The following PCCA variants were observed in gnomAD, a reference collection of about 807,000 sequenced individuals.
The protein encoded by PCCA is propionyl-CoA carboxylase subunit alpha.
A neutral mutation model predicts 101.3 loss-of-function variants in PCCA; 74 were observed. The observed-to-expected ratio is 0.73, with a 90% CI of 0.61 to 0.89. The LOEUF is 0.89. Ranked by LOEUF, PCCA falls within the 40% of genes least tolerant of loss-of-function variation. The probability of loss-of-function intolerance (pLI) is 0.00; values close to 1 mark genes in which losing one functional copy is unlikely to be tolerated. For synonymous variants in PCCA, 294 were observed against 313.6 expected (o/e 0.94, Z 0.66); for missense variants, 891 against 907.0 (o/e 0.98, Z 0.23).
chr13:100,111,468 A>G (rs1016035572), intron 2 of PCCA, among the ~76,000 whole-genome samples: 2 of 151,990 alleles, frequency 1.3e-5, no homozygotes. Flanking sequence ...GGCTTGACCA[A>G]AGTCTTTTAG....
At chr13:100,515,404 T>C (rs751932405) in intron 21 of PCCA, 23 bp from the exon 22 acceptor site, 6 of 1,610,650 alleles carry the variant, frequency 3.7e-6, no homozygotes, top group Non-Finnish European at 5.1e-6. Flanking sequence ...TCATTTATGG[T>C]TTGGTTTTGT....
intron 6 of PCCA, among the ~76,000 whole-genome samples, chr13:100,171,403 A>G (rs2055620591): frequency 6.6e-6 from 1 of 152,166 alleles, no homozygotes; most frequent in South Asian, 2.1e-4. Context: ...GGGTGATGAC[A>G]GTCTTCTCTG....
chr13:100,161,419 A>G (rs1302093220), intron 6 of PCCA: 3 of 152,256 alleles, frequency 2.0e-5, no homozygotes, highest in African/African-American at 4.8e-5. Context: ...CAAAATTTAG[A>G]AAGTGTTCAA....
chr13:100,238,178 G>A (rs2060919393), intron 8 of PCCA, among the ~76,000 whole-genome samples: 1 of 151,916 alleles, frequency 6.6e-6, no homozygotes, highest in African/African-American at 2.4e-5. Context: ...GACCTTAGGT[G>A]ATCTGCCCAC....
intron 20 of PCCA, among the ~76,000 whole-genome samples, chr13:100,435,614 G>T (rs2079872872): frequency 6.6e-6 from 1 of 152,170 alleles, no homozygotes; most frequent in Non-Finnish European, 1.5e-5. Context: ...GTATTTTGGT[G>T]TATACTGTCA....
chr13:100,400,586 A>C (rs963795955), intron 19 of PCCA, among the ~76,000 whole-genome samples: 1 of 144,088 alleles, frequency 6.9e-6, no homozygotes, highest in Non-Finnish European at 1.5e-5. Flanking sequence ...GTTAGGTGAT[A>C]ATTTTAGGTG....
At chr13:100,219,764 A>G (rs554745464) in intron 7 of PCCA, among the ~76,000 whole-genome samples, 1 of 152,270 alleles carries the variant, frequency 6.6e-6, no homozygotes, top group East Asian at 1.9e-4. Flanking sequence ...GCCTACTATC[A>G]TTTTTTCCCA....
chr13:100,315,030 A>G (rs957394142), intron 16 of PCCA, among the ~76,000 whole-genome samples: 12 of 152,180 alleles, frequency 7.9e-5, no homozygotes, highest in Admixed American at 7.2e-4. Context: ...ACACTGACAT[A>G]TTTAGAAGTA....
At chr13:100,190,976 A>C (rs1023611880) in intron 6 of PCCA, among the ~76,000 whole-genome samples, 4 of 152,108 alleles carry the variant, frequency 2.6e-5, no homozygotes, top group African/African-American at 9.7e-5. Flanking sequence ...GTGCGCCTGT[A>C]GTCCCAGCTA....
At chr13:100,377,187 A>C (rs896029215) in intron 19 of PCCA, among the ~76,000 whole-genome samples, 5 of 152,070 alleles carry the variant, frequency 3.3e-5, no homozygotes, top group Admixed American at 1.3e-4. Flanking sequence ...CCTCAGTTGG[A>C]AATGCAGAAA....
At chr13:100,429,168 C>T (rs2079369936) in intron 20 of PCCA, among the ~76,000 whole-genome samples, 1 of 152,016 alleles carries the variant, frequency 6.6e-6, no homozygotes, top group African/African-American at 2.4e-5. Context: ...CAGTCATCTG[C>T]TGATTTCTCT....
rs982497147 is a variant in PCCA, at chr13:100,394,139, T to C, written c.1746+25565T>C. 6.6e-6 allele frequency among the ~76,000 whole-genome samples: 1 copy of C among 152,214 alleles called. No homozygotes were observed. The highest frequency in any genetic ancestry group is 2.4e-5 in the African/African-American group (1 of 41,452). On this transcript the variant is annotated intron_variant, in intron 19 of 23. Coordinates refer to ENST00000376285, the MANE Select transcript of PCCA (RefSeq NM_000282.4). The surrounding 1 kb of genome is among the most constrained non-coding windows in gnomAD (Gnocchi z 4.3). ...TTCCTTTGAAATGTGTGAGGCGGTT[T>C]GAGATGCAGCTTCTCAGATGGATTT...
At chr13:100,511,392 G>T (rs1223391553) in intron 21 of PCCA, among the ~76,000 whole-genome samples, 1 of 152,168 alleles carries the variant, frequency 6.6e-6, no homozygotes, top group Non-Finnish European at 1.5e-5. Flanking sequence ...AGACCTTTGG[G>T]GCCAGAAGGT....
At chr13:100,178,507 T>A (rs767433465) in intron 6 of PCCA, among the ~76,000 whole-genome samples, 3 of 152,048 alleles carry the variant, frequency 2.0e-5, no homozygotes, top group Non-Finnish European at 2.9e-5. Context: ...CCCAAATGGG[T>A]TTTTAAGAAT....
intron 19 of PCCA, among the ~76,000 whole-genome samples, chr13:100,420,808 TA>T (rs199751535): frequency 2.0e-5 from 3 of 151,878 alleles, no homozygotes; most frequent in Non-Finnish European, 4.4e-5. Context: ...AAATGCAGTT[TA>T]AAAAAAACAG....
chr13:100,510,950 G>A (rs1050664593), intron 21 of PCCA, among the ~76,000 whole-genome samples: 1 of 152,244 alleles, frequency 6.6e-6, no homozygotes, highest in Non-Finnish European at 1.5e-5. Context: ...AAGGACGGCC[G>A]TAGGCTTCAA....
At chr13:100,393,739 A>G (rs1414960382) in intron 19 of PCCA, among the ~76,000 whole-genome samples, 1 of 152,114 alleles carries the variant, frequency 6.6e-6, no homozygotes, top group Non-Finnish European at 1.5e-5. Context: ...TTAATTGAAC[A>G]TCAAAATCCT....
chr13:100,285,264 G>A (rs976682499), intron 12 of PCCA, among the ~76,000 whole-genome samples: 5 of 152,016 alleles, frequency 3.3e-5, no homozygotes, highest in African/African-American at 9.7e-5. Flanking sequence ...CAAATACTCT[G>A]GTGGGAATCA....
intron 1 of PCCA, among the ~76,000 whole-genome samples, chr13:100,098,978 A>G (rs767178569): frequency 6.6e-6 from 1 of 152,192 alleles, no homozygotes. Context: ...GTCATAATAC[A>G]TGGATAAGAC....
Sources: gnomAD v4.1 joint callset for allele counts (sites outside exome capture counted in the v4.1 genomes callset) on GRCh38, gnomAD v4.1.1 for gene constraint, Gnocchi (gnomAD v3.1) non-coding constraint, MANE v1.5 for transcripts, NCBI Gene and HGNC (gene_info 2026-07-23, HGNC 2026-07-21) for gene names.